Variants in TMEM117 observed in about 807,000 individuals in gnomAD.
TMEM117 encodes the protein transmembrane protein 117.
TMEM117 carries 27 observed loss-of-function variants against 52.4 expected under a neutral mutation model. The ratio of observed to expected loss-of-function variants is 0.51; its 90% CI spans 0.38 to 0.71. TMEM117 has a LOEUF of 0.71. Among genes scored for constraint, TMEM117 ranks in the 30% least tolerant of loss-of-function variants. The probability of loss-of-function intolerance (pLI) is 0.00; values close to 1 mark genes in which losing one functional copy is unlikely to be tolerated. For synonymous variants in TMEM117, 215 were observed against 206.3 expected (o/e 1.04, Z -0.36); for missense variants, 556 against 630.5 (o/e 0.88, Z 1.26).
At chr12:44,265,518 G>A (rs912834305) in intron 5 of TMEM117, among the ~76,000 whole-genome samples, 10 of 152,176 alleles carry the variant, frequency 6.6e-5, no homozygotes, top group Non-Finnish European at 1.5e-4. Flanking sequence ...GCAGAGCTTT[G>A]ACTAGAAGGT....
At chr12:44,189,594 G>T (rs1565571600) in intron 4 of TMEM117, among the ~76,000 whole-genome samples, 2 of 152,106 alleles carry the variant, frequency 1.3e-5, no homozygotes, top group African/African-American at 4.8e-5. Flanking sequence ...TTTGCCTTGT[G>T]TCTCCTCCAG....
intron 6 of TMEM117, among the ~76,000 whole-genome samples, chr12:44,322,641 A>G (rs1227345453): frequency 2.0e-5 from 3 of 152,300 alleles, no homozygotes; most frequent in Admixed American, 6.5e-5. Context: ...AAACTATGCT[A>G]TAAAAAGGAA....
At chr12:43,863,998 G>A (rs948815311) in intron 2 of TMEM117, among the ~76,000 whole-genome samples, 3 of 152,206 alleles carry the variant, frequency 2.0e-5, no homozygotes, top group African/African-American at 7.2e-5. Context: ...CGGAGCTGCC[G>A]GCCAGCCAGC....
chr12:43,935,573 G>A (rs1459320621), intron 2 of TMEM117, among the ~76,000 whole-genome samples: 1 of 152,122 alleles, frequency 6.6e-6, no homozygotes, highest in Non-Finnish European at 1.5e-5. Context: ...TTTTCTTTTA[G>A]TGGGTAAGGA....
chr12:44,079,600 G>A (rs1947445796), intron 3 of TMEM117, among the ~76,000 whole-genome samples: 3 of 151,958 alleles, frequency 2.0e-5, no homozygotes, highest in Admixed American at 1.3e-4. Context: ...ATTTCAATAT[G>A]TAAAGATATC....
At chr12:44,212,828 A>G (rs17094263) in intron 5 of TMEM117, among the ~76,000 whole-genome samples, 15,770 of 152,152 alleles carry the variant, frequency 0.1, 926 homozygotes, top group Middle Eastern at 0.2. Flanking sequence ...AGCTTCAAAA[A>G]TCATAGTAAC....
intron 6 of TMEM117, 55 bp from the exon 7 acceptor site, chr12:44,376,540 T>C: frequency 6.3e-7 from 1 of 1,577,048 alleles, no homozygotes. Flanking sequence ...TTTGGTGTTT[T>C]GCTGCTTAGG....
intron 3 of TMEM117, among the ~76,000 whole-genome samples, chr12:44,125,663 C>A (rs1469232214): frequency 6.6e-6 from 1 of 151,954 alleles, no homozygotes; most frequent in East Asian, 1.9e-4. Flanking sequence ...TTCAGAAAAC[C>A]AGCTCCTGGA....
intron 3 of TMEM117, among the ~76,000 whole-genome samples, chr12:44,122,412 C>T (rs770735586): frequency 2.6e-5 from 4 of 151,928 alleles, no homozygotes; most frequent in Non-Finnish European, 5.9e-5. Flanking sequence ...TTTTTTATTG[C>T]AACTTTTAAG....
intron 4 of TMEM117, among the ~76,000 whole-genome samples, chr12:44,154,400 G>A (rs1948797206): frequency 6.6e-6 from 1 of 152,048 alleles, no homozygotes; most frequent in Non-Finnish European, 1.5e-5. Context: ...GAGAAGTAAT[G>A]CCTATGAGTC....
At chr12:44,385,348 G>C (rs889090514) in intron 7 of TMEM117, among the ~76,000 whole-genome samples, 1 of 152,306 alleles carries the variant, frequency 6.6e-6, no homozygotes, top group Non-Finnish European at 1.5e-5. Flanking sequence ...TGCAAGTTTA[G>C]TGGTCAAACT....
chr12:43,858,441 G>T (rs1943435314), intron 2 of TMEM117, among the ~76,000 whole-genome samples: 1 of 152,194 alleles, frequency 6.6e-6, no homozygotes, highest in Non-Finnish European at 1.5e-5. Flanking sequence ...CTCACTTTTG[G>T]TTAAAGAAAG....
chr12:44,186,727 A>G (rs1385354776), intron 4 of TMEM117, among the ~76,000 whole-genome samples: 1 of 152,152 alleles, frequency 6.6e-6, no homozygotes, highest in Admixed American at 6.5e-5. Context: ...AGCACTCTTC[A>G]CTTTATAATG....
At chr12:43,983,554 G>A (rs1373283387) in intron 3 of TMEM117, among the ~76,000 whole-genome samples, 712 of 43,122 alleles carry the variant, frequency 0.017, 10 homozygotes, top group African/African-American at 0.051. Context: ...AACCGTGTGT[G>A]TGTGTGTGTG....
intron 3 of TMEM117, among the ~76,000 whole-genome samples, chr12:44,134,048 T>C (rs532306258): frequency 2.0e-4 from 31 of 152,328 alleles, no homozygotes; most frequent in African/African-American, 7.2e-4. Context: ...TTCAACACTT[T>C]ATATTTCAAA....
At chr12:44,017,266 T>C (rs1447568134) in intron 3 of TMEM117, among the ~76,000 whole-genome samples, 1 of 148,424 alleles carries the variant, frequency 6.7e-6, no homozygotes, top group African/African-American at 2.5e-5. Flanking sequence ...AGGTGATAAA[T>C]AATTGAAAGT....
At chr12:44,361,600 T>C (rs1246908100) in intron 6 of TMEM117, among the ~76,000 whole-genome samples, 1 of 152,142 alleles carries the variant, frequency 6.6e-6, no homozygotes, top group East Asian at 1.9e-4. Flanking sequence ...AAATGGTTTT[T>C]ACTTCCCACC....
rs186689214 is a variant in TMEM117 at position 43,928,147 on chromosome 12, A to T, written c.278-16063A>T. Reference sequence around the variant, plus strand: ...AAAGCTAGCTATTCTAAAGCTGATCAATATCTTAATCACCTGCTAAATAAT... The same window carrying T: ...AAAGCTAGCTATTCTAAAGCTGATCTATATCTTAATCACCTGCTAAATAAT... On this transcript the variant is annotated intron_variant, in intron 2 of 7. Transcript: ENST00000266534. 3.0e-4 allele frequency among the ~76,000 whole-genome samples: 46 copies of T among 152,200 alleles called. No homozygotes were observed. The East Asian group carries it at 6.9e-3, about 23-fold the overall frequency.
At chr12:44,270,688 G>T (rs535039721) in intron 5 of TMEM117, among the ~76,000 whole-genome samples, 66 of 152,220 alleles carry the variant, frequency 4.3e-4, no homozygotes, top group Admixed American at 1.4e-3. Flanking sequence ...TCCTTGTCAT[G>T]TTCCAGTTCT....
Sources: gnomAD v4.1 joint callset for allele counts (sites outside exome capture counted in the v4.1 genomes callset) on GRCh38, gnomAD v4.1.1 for gene constraint, MANE v1.5 for transcripts, NCBI Gene and HGNC (gene_info 2026-07-23, HGNC 2026-07-21) for gene names.